Variants in PDE1C observed in about 807,000 individuals in gnomAD.
PDE1C encodes the protein dual specificity calcium/calmodulin-dependent 3',5'-cyclic nucleotide phosphodiesterase 1C.
A neutral mutation model predicts 93.1 loss-of-function variants in PDE1C; 62 were observed. That is an observed-to-expected ratio of 0.67 (90% CI 0.54 to 0.82). The LOEUF (loss-of-function observed/expected upper bound fraction) is 0.82, where lower values mean the gene tolerates loss of function less well. PDE1C is among the 40% of genes least tolerant of loss of function. The probability of loss-of-function intolerance (pLI) is 0.00; values close to 1 mark genes in which losing one functional copy is unlikely to be tolerated. For missense variants in PDE1C, 742 were observed against 884.6 expected, an observed-to-expected ratio of 0.84 and a Z score of 2.04; for synonymous variants, 325 against 310.1, an observed-to-expected ratio of 1.05 and a Z score of -0.50.
intron 3 of PDE1C, among the ~76,000 whole-genome samples, chr7:31,879,981 T>C (rs1254009148): frequency 6.6e-6 from 1 of 152,094 alleles, no homozygotes; most frequent in East Asian, 1.9e-4. Flanking sequence ...AAAAAAGCTA[T>C]GATATCGAAT....
chr7:32,075,584 C>T (rs1796304983), upstream of PDE1C, among the ~76,000 whole-genome samples: 1 of 151,990 alleles, frequency 6.6e-6, no homozygotes, highest in Non-Finnish European at 1.5e-5. Flanking sequence ...AACCACCTTC[C>T]CTAGAAAAAA....
At chr7:32,344,127 G>T (rs1303487796) in intron 1 of PDE1C, among the ~76,000 whole-genome samples, 1 of 152,158 alleles carries the variant, frequency 6.6e-6, no homozygotes, top group African/African-American at 2.4e-5. Context: ...GGGCTGGAGT[G>T]CATTAGTGCA....
chr7:31,942,246 G>A (rs1351168289), intron 2 of PDE1C, among the ~76,000 whole-genome samples: 1 of 152,098 alleles, frequency 6.6e-6, no homozygotes, highest in Non-Finnish European at 1.5e-5. Context: ...GCTGTATGAA[G>A]TACCCTGTTT....
At chr7:31,915,758 G>A (rs558476333) in intron 2 of PDE1C, among the ~76,000 whole-genome samples, 1 of 152,268 alleles carries the variant, frequency 6.6e-6, no homozygotes, top group South Asian at 2.1e-4. Context: ...GTTTGTATTT[G>A]TGGGGGAAAA....
chr7:31,995,992 A>C (rs776960248), intron 2 of PDE1C, among the ~76,000 whole-genome samples: 2 of 151,820 alleles, frequency 1.3e-5, no homozygotes, highest in Non-Finnish European at 2.9e-5. Context: ...CATTACTCCG[A>C]GAGGGACATC....
chr7:31,643,290 A>G, the PDE1C span: 1 of 1,613,812 alleles, frequency 6.2e-7, no homozygotes, highest in Non-Finnish European at 8.5e-7. Flanking sequence ...AAAGCTCATC[A>G]CAGTGTATCC....
rs1990269 is a variant in PDE1C at position 32,189,773 on chromosome 7, G to C, written c.136+19716C>G. ...AGTTCCAGAAAAAATAGAGGCTTTAGGGTAATATACAGATCACAGAAAATA... is the reference window on the plus strand; with the variant it reads ...AGTTCCAGAAAAAATAGAGGCTTTACGGTAATATACAGATCACAGAAAATA... On this transcript the variant is annotated intron_variant, in intron 2 of 18. Transcript: ENST00000396193. Among the ~76,000 whole-genome samples, 671 of 151,884 alleles carry C rather than the reference G, an allele frequency of 4.4e-3. 8 individuals carry two copies. Among genetic ancestry groups the C allele is most frequent in the African/African-American group, 0.015 (623 of 41,502 alleles).
At chr7:31,715,106 A>T in the PDE1C span, among the ~76,000 whole-genome samples, 1 of 152,222 alleles carries the variant, frequency 6.6e-6, no homozygotes, top group Non-Finnish European at 1.5e-5. Context: ...CAAAAGAAAA[A>T]CAAATTTTTG....
chr7:31,846,270 C>T (rs1456812069), intron 9 of PDE1C, among the ~76,000 whole-genome samples: 11 of 135,840 alleles, frequency 8.1e-5, no homozygotes, highest in Non-Finnish European at 1.2e-4. Context: ...CTCGCTCTGT[C>T]ACCCAGGCTC....
At chr7:32,155,581 C>T (rs546531478) in intron 3 of PDE1C, among the ~76,000 whole-genome samples, 1 of 152,166 alleles carries the variant, frequency 6.6e-6, no homozygotes, top group African/African-American at 2.4e-5. Context: ...TTCCTCCACA[C>T]AACACAGCCC....
the PDE1C span, among the ~76,000 whole-genome samples, chr7:31,672,549 ATTTCT>A: frequency 6.6e-6 from 1 of 151,590 alleles, no homozygotes; most frequent in South Asian, 2.1e-4. Context: ...ACCTTCTCTG[ATTTCT>A]TTTTTTTCTT....
intron 1 of PDE1C, among the ~76,000 whole-genome samples, chr7:32,052,929 T>C (rs947926803): frequency 3.3e-5 from 5 of 152,026 alleles, no homozygotes; most frequent in African/African-American, 1.2e-4. Flanking sequence ...CTTTAAAGAG[T>C]GAGCATTATA....
chr7:31,808,333 T>C (rs1029698290), intron 16 of PDE1C: 1 of 296,944 alleles, frequency 3.4e-6, no homozygotes, highest in Non-Finnish European at 6.7e-6. Context: ...AGGGGATAAC[T>C]AGTAATGAAC....
intron 2 of PDE1C, among the ~76,000 whole-genome samples, chr7:31,956,709 T>C (rs922341772): frequency 6.6e-6 from 1 of 151,538 alleles, no homozygotes; most frequent in Non-Finnish European, 1.5e-5. Flanking sequence ...AAACTCAAAT[T>C]AAAATCTAGC....
chr7:32,137,599 C>A (rs957178961), intron 3 of PDE1C, among the ~76,000 whole-genome samples: 10 of 152,150 alleles, frequency 6.6e-5, no homozygotes, highest in African/African-American at 2.2e-4. Flanking sequence ...GGGTAAATGA[C>A]CAAGGCTGTT....
intron 1 of PDE1C, among the ~76,000 whole-genome samples, chr7:32,233,695 A>G (rs1227131777): frequency 6.6e-6 from 1 of 152,128 alleles, no homozygotes; most frequent in Non-Finnish European, 1.5e-5. Flanking sequence ...AAGCAAAACT[A>G]ACAGAAGTGA....
At chr7:31,651,847 GC>G in the PDE1C span, 1 of 747,770 alleles carries the variant, frequency 1.3e-6, no homozygotes. Flanking sequence ...TTAAGAAATT[GC>G]AAAGGAAGAA....
the PDE1C span, among the ~76,000 whole-genome samples, chr7:31,677,020 T>C: frequency 6.6e-6 from 1 of 152,190 alleles, no homozygotes; most frequent in East Asian, 1.9e-4. Flanking sequence ...CTCACCTTAA[T>C]TGTACACAAG....
At chr7:32,128,964 T>TA (rs1383099629) in intron 3 of PDE1C, among the ~76,000 whole-genome samples, 27 of 97,272 alleles carry the variant, frequency 2.8e-4, no homozygotes, top group Admixed American at 8.7e-4. Context: ...AAGAAAAATC[T>TA]AAAAAAAACA....
Sources: allele counts gnomAD v4.1 joint callset (sites outside exome capture counted in the v4.1 genomes callset), GRCh38; gene constraint gnomAD v4.1.1; transcripts MANE v1.5; gene names NCBI Gene and HGNC (gene_info 2026-07-23, HGNC 2026-07-21).